Variants in GRM7 observed in about 807,000 individuals in gnomAD.
GRM7 encodes the protein glutamate metabotropic receptor 7.
In GRM7, 35 loss-of-function variants were observed where a neutral mutation model predicts 84.5. The ratio of observed to expected loss-of-function variants is 0.41; its 90% confidence interval spans 0.32 to 0.55. The LOEUF is 0.55. Among genes scored for constraint, GRM7 ranks in the 20% least tolerant of loss-of-function variants. The pLI, the probability that GRM7 is intolerant of heterozygous loss-of-function variation, is 0.19. For missense variants in GRM7, 1,003 were observed against 1,194.6 expected (o/e 0.84, Z 2.36); for synonymous variants, 487 against 455.1 (o/e 1.07, Z -0.89).
chr3:7,656,041 G>A (rs1268048244), intron 8 of GRM7, among the ~76,000 whole-genome samples: 1 of 152,190 alleles, frequency 6.6e-6, no homozygotes, highest in Non-Finnish European at 1.5e-5. Flanking sequence ...AATAATAAAT[G>A]TAAATGCATC....
At chr3:7,148,496 T>G (rs1056326709) in intron 2 of GRM7, among the ~76,000 whole-genome samples, 22 of 152,124 alleles carry the variant, frequency 1.4e-4, no homozygotes, top group Non-Finnish European at 1.3e-4. Flanking sequence ...GAGGTCAAAA[T>G]CATGTTGATT....
intron 1 of GRM7, among the ~76,000 whole-genome samples, chr3:6,931,414 G>C (rs1431000077): frequency 6.6e-6 from 1 of 152,116 alleles, no homozygotes; most frequent in Non-Finnish European, 1.5e-5. Flanking sequence ...TGCCCTTCTT[G>C]GAGACTGGGA....
At chr3:7,019,418 C>T (rs1167293963) in intron 1 of GRM7, among the ~76,000 whole-genome samples, 3 of 152,170 alleles carry the variant, frequency 2.0e-5, no homozygotes, top group African/African-American at 7.2e-5. Flanking sequence ...ATTTTCACTG[C>T]TATAAAAATC....
chr3:7,071,847 G>A lies in GRM7; in HGVS notation c.520-74605G>A, dbSNP rs188151075. ...GTCCTATAAAAATAGACCTTGTTTT[G>A]TCTATAGTAGCATTAAACCTATACC... On this transcript the variant is annotated intron_variant, in intron 1 of 9. Coordinates refer to ENST00000357716, the MANE Select transcript of GRM7 (RefSeq NM_000844.4). Among the ~76,000 whole-genome samples, 574 of 152,002 alleles carry A rather than the reference G, an allele frequency of 3.8e-3. 5 individuals are homozygous for A. The highest frequency in any genetic ancestry group is 0.013 in the African/African-American group (537 of 41,488).
At chr3:7,030,922 TA>T (rs1466612282) in intron 1 of GRM7, among the ~76,000 whole-genome samples, 2 of 152,230 alleles carry the variant, frequency 1.3e-5, no homozygotes, top group Non-Finnish European at 2.9e-5. Context: ...AGTGTAATGT[TA>T]AAACATCCTC....
At chr3:7,094,012 C>G (rs73115049) in intron 1 of GRM7, among the ~76,000 whole-genome samples, 6,539 of 152,076 alleles carry the variant, frequency 0.043, 467 homozygotes, top group African/African-American at 0.15. Context: ...TGCTATTGGA[C>G]TCTTTAATTA....
At chr3:7,621,565 A>G (rs1054553126) in intron 8 of GRM7, among the ~76,000 whole-genome samples, 1 of 152,118 alleles carries the variant, frequency 6.6e-6, no homozygotes, top group Non-Finnish European at 1.5e-5. Flanking sequence ...TATTCTAAAC[A>G]TGTCTTTCTT....
At chr3:7,205,946 C>T (rs1490354029) in intron 2 of GRM7, among the ~76,000 whole-genome samples, 4 of 152,124 alleles carry the variant, frequency 2.6e-5, no homozygotes, top group Non-Finnish European at 4.4e-5. Context: ...CTTAAAATTT[C>T]CCTCAAGTAC....
intron 8 of GRM7, among the ~76,000 whole-genome samples, chr3:7,632,529 G>C (rs1697903678): frequency 6.6e-6 from 1 of 152,184 alleles, no homozygotes; most frequent in Admixed American, 6.5e-5. Flanking sequence ...AAAGTGATAA[G>C]AGCCATCTGA....
intron 1 of GRM7, among the ~76,000 whole-genome samples, chr3:7,124,487 A>G (rs1451317159): frequency 6.6e-6 from 1 of 152,194 alleles, no homozygotes. Flanking sequence ...ACCTGGAGTG[A>G]TATCCAGAGT....
intron 7 of GRM7, among the ~76,000 whole-genome samples, chr3:7,475,342 T>G (rs1698879108): frequency 6.6e-6 from 1 of 152,224 alleles, no homozygotes; most frequent in Non-Finnish European, 1.5e-5. Flanking sequence ...TTGATGGGTA[T>G]GCATTGGAAA....
At chr3:7,022,930 C>G (rs1012906133) in intron 1 of GRM7, among the ~76,000 whole-genome samples, 1 of 152,036 alleles carries the variant, frequency 6.6e-6, no homozygotes, top group Non-Finnish European at 1.5e-5. Context: ...ATCCAATAAC[C>G]CAGTGTATTA....
intron 9 of GRM7, among the ~76,000 whole-genome samples, chr3:7,722,236 T>C (rs974632419): frequency 1.3e-5 from 2 of 152,212 alleles, no homozygotes; most frequent in Non-Finnish European, 2.9e-5. Flanking sequence ...ATTCAGAAGA[T>C]TAAGCATAGC....
Position 7,455,542 on chromosome 3 carries a change from G to C in GRM7, c.1375+2735G>C, listed in dbSNP as rs528028955. On this transcript the variant is annotated intron_variant, in intron 6 of 9. Transcript: ENST00000357716. Reference sequence around the variant, plus strand: ...GGCATGCTTACAGCATCGCTTCTGAGGTTTTACTGCCAAAAAGCCTACCTT... The same window carrying C: ...GGCATGCTTACAGCATCGCTTCTGACGTTTTACTGCCAAAAAGCCTACCTT... 5.9e-5 allele frequency among the ~76,000 whole-genome samples: 9 copies of C among 152,186 alleles called. No individual in the cohort carries two copies. In the South Asian group the frequency reaches 1.7e-3, roughly 28 times the overall value.
chr3:7,698,661 T>C (rs2125156564), intron 9 of GRM7, among the ~76,000 whole-genome samples: 1 of 152,262 alleles, frequency 6.6e-6, no homozygotes, highest in East Asian at 1.9e-4. Context: ...CCTGGACAAT[T>C]CTTGTTGCAG....
At chr3:7,036,921 A>G (rs1049682836) in intron 1 of GRM7, among the ~76,000 whole-genome samples, 1 of 152,130 alleles carries the variant, frequency 6.6e-6, no homozygotes, top group African/African-American at 2.4e-5. Context: ...GAGTCTGGCC[A>G]CCCTGTCCCA....
intron 7 of GRM7, among the ~76,000 whole-genome samples, chr3:7,539,772 A>G (rs963196833): frequency 9.2e-5 from 14 of 152,096 alleles, no homozygotes; most frequent in African/African-American, 3.4e-4. Context: ...GTCTTTAAAC[A>G]CTAGGGTTCT....
chr3:7,219,531 G>T (rs1696729041), intron 2 of GRM7, among the ~76,000 whole-genome samples: 1 of 152,186 alleles, frequency 6.6e-6, no homozygotes, highest in African/African-American at 2.4e-5. Context: ...GGAGTTTACA[G>T]GTAAGTAATG....
chr3:7,678,080 A>G (rs1226511036), intron 8 of GRM7, among the ~76,000 whole-genome samples: 1 of 152,134 alleles, frequency 6.6e-6, no homozygotes, highest in Non-Finnish European at 1.5e-5. Flanking sequence ...GGCCTAATAG[A>G]AGAGTGGGCA....
Sources: gnomAD v4.1 joint callset for allele counts (sites outside exome capture counted in the v4.1 genomes callset) on GRCh38, gnomAD v4.1.1 for gene constraint, MANE v1.5 for transcripts, NCBI Gene and HGNC (gene_info 2026-07-23, HGNC 2026-07-21) for gene names.